GAREM1: variants seen among roughly 807,000 people sequenced by gnomAD.
The protein encoded by GAREM1 is GRB2-associated and regulator of MAPK protein 1.
GAREM1 carries 26 observed loss-of-function variants against 71.3 expected under a neutral mutation model. The ratio of observed to expected loss-of-function variants is 0.36; its 90% confidence interval spans 0.27 to 0.51. GAREM1 has a LOEUF of 0.51. GAREM1 is among the 20% of genes least tolerant of loss of function. The pLI is 0.95. For missense variants in GAREM1, 1,026 were observed against 1,103.1 expected (o/e 0.93, Z 0.99); for synonymous variants, 440 against 433.2 (o/e 1.02, Z -0.20).
chr18:32,339,787 A>T (rs2047631736), intron 2 of GAREM1, among the ~76,000 whole-genome samples: 1 of 152,218 alleles, frequency 6.6e-6, no homozygotes, highest in Admixed American at 6.5e-5. Flanking sequence ...ATAAACCGGG[A>T]ACGCGGAAGT....
rs754099954 is a variant in GAREM1 at position 32,267,870 on chromosome 18, G to T, written c.*1C>A. The T allele has an allele frequency of 4.4e-6, 7 of 1,606,474 alleles. No homozygotes were observed. Among genetic ancestry groups the T allele is most frequent in the Non-Finnish European group, 6.0e-6 (7 of 1,174,814 alleles). ...TTCCATGCTGGCCGGGGGTTATTTG[G>T]CTATATTTTGGGCCTCCAGCCATTA... On this transcript the variant is annotated 3_prime_UTR_variant, in exon 6 of 6. Transcript: ENST00000269209.
intron 1 of GAREM1, among the ~76,000 whole-genome samples, chr18:32,438,526 C>G (rs940661024): frequency 6.6e-6 from 1 of 152,284 alleles, no homozygotes; most frequent in East Asian, 1.9e-4. Flanking sequence ...CAGGGGTTAG[C>G]GACAATGACA....
At chr18:32,392,380 C>G (rs1567992453) in intron 2 of GAREM1, among the ~76,000 whole-genome samples, 1 of 152,114 alleles carries the variant, frequency 6.6e-6, no homozygotes, top group Non-Finnish European at 1.5e-5. Context: ...AGGTATTACA[C>G]TCATTTAACT....
At chr18:32,332,534 T>A (rs931592092) in intron 2 of GAREM1, among the ~76,000 whole-genome samples, 34 of 152,116 alleles carry the variant, frequency 2.2e-4, no homozygotes, top group African/African-American at 8.0e-4. Flanking sequence ...TCCTTCTACC[T>A]GAGGAACTGT....
At chr18:32,352,851 T>G (rs1246640125) in intron 2 of GAREM1, among the ~76,000 whole-genome samples, 1 of 152,036 alleles carries the variant, frequency 6.6e-6, no homozygotes, top group Non-Finnish European at 1.5e-5. Context: ...AAGAGGAAAC[T>G]CCCCAGCTGT....
intron 1 of GAREM1, among the ~76,000 whole-genome samples, chr18:32,459,582 G>GTC (rs996951044): frequency 6.6e-6 from 1 of 152,188 alleles, no homozygotes; most frequent in East Asian, 1.9e-4. Flanking sequence ...CTCACGCTCT[G>GTC]TCTCTCTCTC....
In GAREM1 at chr18:32,323,752, A is replaced by G. The variant is rs78039952; in HGVS notation, c.263-13429T>C. The stretch of plus-strand genomic sequence containing the variant: ...TCAATCAAGGTTCCAATATGTAAAA[A>G]GCAATTTTACTTGAGGAAGAACCTT... On this transcript the variant is annotated intron_variant, in intron 2 of 5. Transcript: ENST00000269209. Among the ~76,000 whole-genome samples, 82 of 152,358 alleles carry G rather than the reference A, an allele frequency of 5.4e-4. No homozygotes were observed. In the East Asian group the frequency reaches 0.012, roughly 22 times the overall value.
chr18:32,280,589 G>A (rs1385156527), intron 4 of GAREM1, among the ~76,000 whole-genome samples: 1 of 152,168 alleles, frequency 6.6e-6, no homozygotes, highest in East Asian at 1.9e-4. Flanking sequence ...TCCACAGGGT[G>A]CCAAGCATTT....
chr18:32,465,188 G>A (rs1010530748), intron 1 of GAREM1, among the ~76,000 whole-genome samples: 1 of 152,102 alleles, frequency 6.6e-6, no homozygotes, highest in African/African-American at 2.4e-5. Flanking sequence ...GAGAAATGAA[G>A]CCACAAGATG....
At chr18:32,278,101 C>G (rs187442955) in intron 4 of GAREM1, among the ~76,000 whole-genome samples, 1 of 152,298 alleles carries the variant, frequency 6.6e-6, no homozygotes, top group African/African-American at 2.4e-5. Context: ...CTTTCACATG[C>G]AGTCACTAAC....
At chr18:32,464,485 C>G (rs1445945406) in intron 1 of GAREM1, among the ~76,000 whole-genome samples, 1 of 152,150 alleles carries the variant, frequency 6.6e-6, no homozygotes, top group Non-Finnish European at 1.5e-5. Flanking sequence ...GAGAACCCAT[C>G]TCTTTTTTTA....
At chr18:32,469,123 T>A (rs2049026230) in intron 1 of GAREM1, among the ~76,000 whole-genome samples, 1 of 152,084 alleles carries the variant, frequency 6.6e-6, no homozygotes, top group Non-Finnish European at 1.5e-5. Flanking sequence ...TCACGAACTT[T>A]CCTGCATCTA....
intron 2 of GAREM1, chr18:32,331,565 C>G (rs1358057153): frequency 3.3e-5 from 5 of 152,164 alleles, no homozygotes; most frequent in African/African-American, 1.2e-4. Context: ...TAGTAGTTTT[C>G]AAGCACTAGT....
intron 1 of GAREM1, among the ~76,000 whole-genome samples, chr18:32,396,481 A>T (rs552222241): frequency 6.6e-6 from 1 of 152,324 alleles, no homozygotes; most frequent in East Asian, 1.9e-4. Flanking sequence ...GGAGCTGAAA[A>T]CCATGGCACG....
intron 1 of GAREM1, among the ~76,000 whole-genome samples, chr18:32,398,974 G>C (rs1039753161): frequency 1.3e-5 from 2 of 152,254 alleles, no homozygotes; most frequent in East Asian, 3.9e-4. Context: ...TATCCACCAT[G>C]ATCAAGTGGG....
At chr18:32,295,993 C>T (rs1214731463) in intron 3 of GAREM1, among the ~76,000 whole-genome samples, 1 of 150,808 alleles carries the variant, frequency 6.6e-6, no homozygotes, top group Non-Finnish European at 1.5e-5. Flanking sequence ...GATGGAGTCT[C>T]ACTCTGCCGC....
intron 1 of GAREM1, among the ~76,000 whole-genome samples, chr18:32,421,394 C>G (rs566954785): frequency 6.6e-6 from 1 of 152,320 alleles, no homozygotes; most frequent in African/African-American, 2.4e-5. Context: ...CTCCCAGCAG[C>G]TCCCAGCTGA....
At chr18:32,464,318 G>A (rs1403877438) in intron 1 of GAREM1, among the ~76,000 whole-genome samples, 5 of 151,888 alleles carry the variant, frequency 3.3e-5, no homozygotes, top group East Asian at 1.9e-4. Flanking sequence ...TCACTGTTTC[G>A]GTACCATTTG....
At chr18:32,292,745 T>A (rs550951906) in intron 3 of GAREM1, among the ~76,000 whole-genome samples, 2 of 152,308 alleles carry the variant, frequency 1.3e-5, no homozygotes, top group East Asian at 3.9e-4. Flanking sequence ...TGCAGAACTG[T>A]GAGTCAATTA....
Sources: gnomAD v4.1 joint callset for allele counts (sites outside exome capture counted in the v4.1 genomes callset) on GRCh38, gnomAD v4.1.1 for gene constraint, MANE v1.5 for transcripts, NCBI Gene and HGNC (gene_info 2026-07-23, HGNC 2026-07-21) for gene names.